ANXA4: variants seen among roughly 807,000 people sequenced by gnomAD.
ANXA4 encodes annexin A4.
A neutral mutation model predicts 49.8 loss-of-function variants in ANXA4; 39 were observed. That is an observed-to-expected ratio of 0.78 (90% CI 0.61 to 1.02). The LOEUF is 1.02. Among genes scored for constraint, ANXA4 ranks in the 50% least tolerant of loss-of-function variants. The pLI, the probability that ANXA4 is intolerant of heterozygous loss-of-function variation, is 0.00. For synonymous variants in ANXA4, 134 were observed against 152.5 expected (o/e 0.88, Z 0.89); for missense variants, 360 against 410.1 (o/e 0.88, Z 1.05).
chr2:69,741,025 A>T (rs182209723), upstream of ANXA4, among the ~76,000 whole-genome samples: 16 of 152,262 alleles, frequency 1.1e-4, no homozygotes, highest in African/African-American at 3.9e-4. Flanking sequence ...CAGATAAAAG[A>T]GGCAGAACCA....
At chr2:69,746,434 A>G (rs907802065) in intron 1 of ANXA4, among the ~76,000 whole-genome samples, 6 of 152,176 alleles carry the variant, frequency 3.9e-5, no homozygotes, top group Admixed American at 1.3e-4. Context: ...TAGAGCTCCA[A>G]CTAAAGGTTT....
chr2:69,771,345 A>T (rs890376212), intron 1 of ANXA4, among the ~76,000 whole-genome samples: 5 of 152,120 alleles, frequency 3.3e-5, no homozygotes, highest in Admixed American at 3.3e-4. Flanking sequence ...TTTCAAAGTA[A>T]GCATCTGTGC....
At chr2:69,717,457 C>T (rs771584084) in intron 2 of ANXA4, among the ~76,000 whole-genome samples, 4 of 152,096 alleles carry the variant, frequency 2.6e-5, no homozygotes, top group Admixed American at 2.0e-4. Flanking sequence ...ATCATTATTC[C>T]TGCATCATAA....
intron 3 of ANXA4, among the ~76,000 whole-genome samples, chr2:69,724,195 A>C (rs1468594207): frequency 6.6e-6 from 1 of 152,256 alleles, no homozygotes; most frequent in Non-Finnish European, 1.5e-5. Flanking sequence ...CCTTAAGGAT[A>C]CATTTGAGGG....
At chr2:69,776,015 C>G (rs927926252) in intron 1 of ANXA4, among the ~76,000 whole-genome samples, 1 of 146,738 alleles carries the variant, frequency 6.8e-6, no homozygotes, top group South Asian at 2.1e-4. Flanking sequence ...ACTCTGTTGC[C>G]CAGGCTGGAG....
At chr2:69,658,962 CTGGGATTACAGGCGTGAGCCACTA>C (rs1676611259) in intron 2 of ANXA4, among the ~76,000 whole-genome samples, 1 of 152,188 alleles carries the variant, frequency 6.6e-6, no homozygotes, top group South Asian at 2.1e-4. Context: ...TCCCAAAGTG[CTGGGATTACAGGCGTGAGCCACTA>C]TGCCTGGCCA....
intron 3 of ANXA4, among the ~76,000 whole-genome samples, chr2:69,790,515 A>G (rs775293754): frequency 6.6e-6 from 1 of 152,216 alleles, no homozygotes; most frequent in South Asian, 2.1e-4. Context: ...ACTATTATTA[A>G]TGGGGGCACT....
chr2:69,825,095 A>T (rs1674414851), intron 12 of ANXA4, among the ~76,000 whole-genome samples: 2 of 149,424 alleles, frequency 1.3e-5, no homozygotes, highest in Admixed American at 6.7e-5. Context: ...AAAAAACCAC[A>T]AACAAAAATG....
chr2:69,695,602 G>C (rs1213636509), intron 2 of ANXA4, among the ~76,000 whole-genome samples: 1 of 152,204 alleles, frequency 6.6e-6, no homozygotes, highest in African/African-American at 2.4e-5. Context: ...ACGCTGGGGA[G>C]AGCTGGCATC....
At chr2:69,786,580 T>G (rs1388013671) in intron 2 of ANXA4, among the ~76,000 whole-genome samples, 1 of 152,220 alleles carries the variant, frequency 6.6e-6, no homozygotes, top group African/African-American at 2.4e-5. Flanking sequence ...ACCCCTCTGA[T>G]TTCCTTCTTT....
chr2:69,722,908 C>T (rs1185039418), intron 3 of ANXA4, among the ~76,000 whole-genome samples: 2 of 151,784 alleles, frequency 1.3e-5, no homozygotes, highest in African/African-American at 4.8e-5. Context: ...CATGGTGGCT[C>T]ATGCCTGTAA....
Position 69,722,675 on chromosome 2 carries a change from A to G in ANXA4, n.864+1804A>G, listed in dbSNP as rs568102962. On this transcript the variant is annotated intron_variant and non_coding_transcript_variant, in intron 3 of 3. Coordinates refer to the ANXA4 transcript ENST00000418066. ...CAGACTTTCTGTTGGGGGTGATGAA[A>G]AGTTTTAGAAATAGTGATGATAGTT... Among the ~76,000 whole-genome samples the G allele has an allele frequency of 5.9e-5, 9 of 152,244 alleles. No individual in the cohort carries two copies. The South Asian group carries it at 1.9e-3, about 32-fold the overall frequency.
At chr2:69,789,771 C>G (rs1004365385) in intron 3 of ANXA4, among the ~76,000 whole-genome samples, 3 of 152,064 alleles carry the variant, frequency 2.0e-5, no homozygotes, top group African/African-American at 7.2e-5. Context: ...TAAATCAGCT[C>G]TTATCCCATT....
At chr2:69,658,984 C>CTA (rs1285265515) in intron 2 of ANXA4, among the ~76,000 whole-genome samples, 6 of 152,236 alleles carry the variant, frequency 3.9e-5, no homozygotes, top group Non-Finnish European at 7.3e-5. Flanking sequence ...GCGTGAGCCA[C>CTA]TATGCCTGGC....
chr2:69,715,408 A>AT (rs1678847425), intron 2 of ANXA4, among the ~76,000 whole-genome samples: 1 of 152,104 alleles, frequency 6.6e-6, no homozygotes, highest in South Asian at 2.1e-4. Flanking sequence ...GGGTTTCACC[A>AT]TATTGGCCAG....
At position 69,688,832 on chromosome 2, in the gene ANXA4, C is replaced by A. The variant is rs916809528; in HGVS notation, n.767-31942C>A. Among the ~76,000 whole-genome samples the A allele has an allele frequency of 1.6e-4, 24 of 152,200 alleles. 1 individual carries two copies. Among genetic ancestry groups the A allele is most frequent in the Non-Finnish European group, 2.9e-5 (2 of 68,036 alleles). ...ATTTCTAATATGACAAGATCTCTTA[C>A]ATTCCACATTCAACTCATGTATTTT... On this transcript the variant is annotated intron_variant and non_coding_transcript_variant, in intron 2 of 3. Coordinates refer to the ANXA4 transcript ENST00000418066.
At chr2:69,812,350 G>C (rs1673743755) in intron 7 of ANXA4, among the ~76,000 whole-genome samples, 1 of 152,168 alleles carries the variant, frequency 6.6e-6, no homozygotes, top group Non-Finnish European at 1.5e-5. Flanking sequence ...ACACAGGAGA[G>C]TGGGGTGGTG....
At chr2:69,725,403 A>C (rs1669937592) in intron 3 of ANXA4, among the ~76,000 whole-genome samples, 1 of 148,550 alleles carries the variant, frequency 6.7e-6, no homozygotes, top group Non-Finnish European at 1.5e-5. Context: ...AATACATGGT[A>C]TATTTATTAT....
At position 69,649,650 on chromosome 2, in the gene ANXA4, C is replaced by T. The variant is rs1257191453; in HGVS notation, n.482-3348C>T. Among the ~76,000 whole-genome samples, 24 of 143,406 alleles carry T rather than the reference C, an allele frequency of 1.7e-4. 1 individual carries two copies. The highest frequency in any genetic ancestry group is 6.2e-4 in the African/African-American group (24 of 38,588). 94.1% of individuals were successfully genotyped at this position (143,406 alleles called of 152,430 possible). ...TTTTTAAGACAGTGTCTCGCCCTAC[C>T]GCCCAGGCTGGAGTGCAGTGGCACA... On this transcript the variant is annotated intron_variant and non_coding_transcript_variant, in intron 1 of 3. Coordinates refer to the ANXA4 transcript ENST00000418066.
Sources: allele counts gnomAD v4.1 joint callset (sites outside exome capture counted in the v4.1 genomes callset), GRCh38; gene constraint gnomAD v4.1.1; transcripts MANE v1.5; gene names NCBI Gene and HGNC (gene_info 2026-07-23, HGNC 2026-07-21).